Variants in RAD52 observed in about 807,000 individuals in gnomAD.
The protein encoded by RAD52 is RAD52 DNA repair protein.
In RAD52, 47 loss-of-function variants were observed where a neutral mutation model predicts 55.5. The ratio of observed to expected loss-of-function variants is 0.85; its 90% CI spans 0.67 to 1.08. RAD52 has a LOEUF of 1.08. Among genes scored for constraint, RAD52 ranks in the 50% least tolerant of loss-of-function variants. The pLI, the probability that RAD52 is intolerant of heterozygous loss-of-function variation, is 0.00. For synonymous variants in RAD52, 184 were observed against 198.9 expected, an observed-to-expected ratio of 0.92 and a Z score of 0.63; for missense variants, 468 against 522.8, an observed-to-expected ratio of 0.90 and a Z score of 1.02.
upstream of RAD52, among the ~76,000 whole-genome samples, chr12:954,636 A>AC (rs1315357197): frequency 6.6e-6 from 1 of 151,910 alleles, no homozygotes; most frequent in African/African-American, 2.4e-5. Context: ...TTCATCCCCC[A>AC]CCCCCCAAAA....
intron 1 of RAD52, among the ~76,000 whole-genome samples, chr12:941,908 A>G (rs1396926658): frequency 1.3e-5 from 2 of 152,192 alleles, no homozygotes; most frequent in Non-Finnish European, 2.9e-5. Flanking sequence ...AAGTGCTGGG[A>G]TTACAGGCAT....
chr12:980,993 T>G (rs1472380541), intron 1 of RAD52, among the ~76,000 whole-genome samples: 1 of 152,090 alleles, frequency 6.6e-6, no homozygotes, highest in East Asian at 1.9e-4. Context: ...AAGTCTTACC[T>G]CATTTCAGCA....
intron 6 of RAD52, among the ~76,000 whole-genome samples, chr12:925,748 TCA>T (rs1032698248): frequency 1.3e-5 from 2 of 152,114 alleles, no homozygotes; most frequent in African/African-American, 4.8e-5. Context: ...GTCCCTGCCC[TCA>T]CAGAGAAGAT....
rs11381919 is a variant in RAD52 at position 912,308 on chromosome 12, GAAAA to G, written c.*1079_*1082del. On this transcript the variant is annotated 3_prime_UTR_variant, in exon 12 of 12. Transcript: ENST00000358495. ...AACAGTTTATGCAGCGACCCTAAGA[GAAAA>G]AAAAACCCAGCCCTCTTCAGCTGCA... 2 of 195,896 alleles carry G rather than the reference GAAAA, an allele frequency of 1.0e-5. No individual in the cohort carries two copies. The highest frequency in any genetic ancestry group is 4.7e-5 in the African/African-American group (2 of 42,762). The allele number at this position is 195,896 out of a possible 1,614,324, so 12.1% of individuals were successfully genotyped here.
At chr12:981,167 C>T (rs61917251) in intron 1 of RAD52, among the ~76,000 whole-genome samples, 1 of 148,994 alleles carries the variant, frequency 6.7e-6, no homozygotes, top group Admixed American at 6.7e-5. Context: ...CCCGTCTCTA[C>T]CAAAAAAAAA....
chr12:946,784 GC>G (rs1413420530), intron 1 of RAD52, among the ~76,000 whole-genome samples: 1 of 152,208 alleles, frequency 6.6e-6, no homozygotes, highest in Non-Finnish European at 1.5e-5. Context: ...AGCTGGGAAA[GC>G]ATACAGTGGG....
At chr12:960,950 G>A (rs971747140) in intron 1 of RAD52, among the ~76,000 whole-genome samples, 4 of 152,060 alleles carry the variant, frequency 2.6e-5, no homozygotes, top group African/African-American at 4.8e-5. Context: ...AGTATAAAGA[G>A]AAGGAGCCCC....
intron 6 of RAD52, among the ~76,000 whole-genome samples, chr12:925,922 C>T (rs1294844552): frequency 1.3e-5 from 2 of 152,116 alleles, no homozygotes; most frequent in Admixed American, 6.5e-5. Context: ...CTCAAGGGCA[C>T]AACCTCCCAT....
At chr12:977,758 C>G (rs1192398827) in intron 1 of RAD52, among the ~76,000 whole-genome samples, 6 of 152,242 alleles carry the variant, frequency 3.9e-5, no homozygotes, top group Non-Finnish European at 8.8e-5. Context: ...GCTCAGGGAA[C>G]TAGTGTAACC....
At chr12:914,205 T>C in intron 10 of RAD52, 84 bp from the exon 11 acceptor site, 2 of 1,370,738 alleles carry the variant, frequency 1.5e-6, no homozygotes, top group Non-Finnish European at 2.0e-6. Flanking sequence ...CCCTCAGAAA[T>C]TCCATGTCTT....
chr12:928,948 T>C (rs1957185515), intron 5 of RAD52, among the ~76,000 whole-genome samples: 1 of 152,136 alleles, frequency 6.6e-6, no homozygotes, highest in African/African-American at 2.4e-5. Flanking sequence ...CACCACAGCC[T>C]CGACTTCCTG....
At chr12:921,502 C>G (rs1592335091) in intron 7 of RAD52, among the ~76,000 whole-genome samples, 1 of 151,996 alleles carries the variant, frequency 6.6e-6, no homozygotes, top group South Asian at 2.1e-4. Flanking sequence ...GTCCCAGCTA[C>G]TTGGGAGGCT....
At chr12:958,412 C>T (rs2154120503) in intron 1 of RAD52, among the ~76,000 whole-genome samples, 1 of 152,214 alleles carries the variant, frequency 6.6e-6, no homozygotes, top group South Asian at 2.1e-4. Context: ...GACGGGGTTT[C>T]ACCATGTTGG....
At chr12:982,619 C>T (rs1225563485) in intron 1 of RAD52, among the ~76,000 whole-genome samples, 1 of 146,646 alleles carries the variant, frequency 6.8e-6, no homozygotes, top group African/African-American at 2.5e-5. Context: ...ACCTTTATTC[C>T]TTACTCCTAC....
intron 3 of RAD52, 99 bp downstream of exon 3, chr12:931,121 G>T: frequency 2.1e-6 from 2 of 942,788 alleles, no homozygotes; most frequent in Non-Finnish European, 3.3e-6. Context: ...ACAGTTAACA[G>T]CAGACTTCCG....
At chr12:987,389 T>C (rs1959100343) in intron 1 of RAD52, among the ~76,000 whole-genome samples, 1 of 152,058 alleles carries the variant, frequency 6.6e-6, no homozygotes, top group Admixed American at 6.5e-5. Context: ...CTTTTGGTTC[T>C]GCACTAGTGG....
At chr12:964,965 G>GCCTGCCTT (rs1555181838) in intron 1 of RAD52, among the ~76,000 whole-genome samples, 2 of 151,152 alleles carry the variant, frequency 1.3e-5, no homozygotes, top group Non-Finnish European at 2.9e-5. Context: ...CCGCCTGCCT[G>GCCTGCCTT]CCTTCCTTCC....
At chr12:939,688 A>G (rs1248280185) in intron 1 of RAD52, among the ~76,000 whole-genome samples, 2 of 152,216 alleles carry the variant, frequency 1.3e-5, no homozygotes, top group Admixed American at 6.5e-5. Context: ...AAAAACGTCA[A>G]TTTCTTGTAG....
At chr12:929,695 G>C (rs1319139640) in intron 5 of RAD52, 124 bp downstream of exon 5, 4 of 909,820 alleles carry the variant, frequency 4.4e-6, no homozygotes, top group Non-Finnish European at 7.5e-6. Context: ...CCACTCTAGG[G>C]AACGCTGGCT....
Sources: allele counts gnomAD v4.1 joint callset (sites outside exome capture counted in the v4.1 genomes callset), GRCh38; gene constraint gnomAD v4.1.1; transcripts MANE v1.5; gene names NCBI Gene and HGNC (gene_info 2026-07-23, HGNC 2026-07-21).